The following MAD1L1 variants were observed in gnomAD, a reference collection of about 807,000 sequenced individuals.
The protein encoded by MAD1L1 is mitotic arrest deficient 1 like 1.
A neutral mutation model predicts 96.9 loss-of-function variants in MAD1L1; 95 were observed. The ratio of observed to expected loss-of-function variants is 0.98; its 90% CI spans 0.83 to 1.16. The LOEUF is 1.16. MAD1L1 is among the 50% of genes most tolerant of loss of function. The probability of loss-of-function intolerance (pLI) is 0.00; values close to 1 mark genes in which losing one functional copy is unlikely to be tolerated. For missense variants in MAD1L1, 1,007 were observed against 954.4 expected (o/e 1.06, Z -0.73); for synonymous variants, 473 against 396.6 (o/e 1.19, Z -2.29).
At chr7:2,156,734 T>C (rs1007912682) in intron 10 of MAD1L1, among the ~76,000 whole-genome samples, 2 of 151,066 alleles carry the variant, frequency 1.3e-5, no homozygotes, top group African/African-American at 4.9e-5. Flanking sequence ...GGCAGGAGAA[T>C]TGCTTGAACC....
chr7:1,898,817 G>A (rs1370981824), intron 17 of MAD1L1, among the ~76,000 whole-genome samples: 1 of 152,202 alleles, frequency 6.6e-6, no homozygotes, highest in Non-Finnish European at 1.5e-5. Flanking sequence ...ATTTAGGCGA[G>A]AACCGCGTGA....
intron 11 of MAD1L1, among the ~76,000 whole-genome samples, chr7:2,070,453 G>A (rs1427405832): frequency 6.6e-6 from 1 of 152,212 alleles, no homozygotes; most frequent in African/African-American, 2.4e-5. Context: ...GGCCGCCCGA[G>A]AGGAGGAGAG....
chr7:1,995,442 G>A (rs892298457), intron 14 of MAD1L1, among the ~76,000 whole-genome samples: 3 of 152,218 alleles, frequency 2.0e-5, no homozygotes, highest in Non-Finnish European at 1.5e-5. Context: ...CCACCCTGAG[G>A]ACCAGGCAGT....
intron 1 of MAD1L1, among the ~76,000 whole-genome samples, chr7:2,231,799 C>T (rs549274510): frequency 1.3e-5 from 2 of 152,220 alleles, no homozygotes; most frequent in East Asian, 3.9e-4. Context: ...CATTTCCGAG[C>T]ACCGAGACTT....
At chr7:2,121,556 A>G (rs1008524970) in intron 11 of MAD1L1, among the ~76,000 whole-genome samples, 6 of 152,222 alleles carry the variant, frequency 3.9e-5, no homozygotes, top group Non-Finnish European at 8.8e-5. Context: ...AGACCTCAGA[A>G]TAACAGGCCT....
At chr7:1,954,898 A>C (rs1779659614) in intron 16 of MAD1L1, among the ~76,000 whole-genome samples, 1 of 151,118 alleles carries the variant, frequency 6.6e-6, no homozygotes. Flanking sequence ...CTTCAGCGAC[A>C]CAAGGGTGCA....
At chr7:2,184,494 T>C (rs1376777184) in intron 10 of MAD1L1, among the ~76,000 whole-genome samples, 1 of 152,144 alleles carries the variant, frequency 6.6e-6, no homozygotes, top group East Asian at 1.9e-4. Context: ...GAAGACAGTT[T>C]GGCAATTTCT....
chr7:2,019,408 C>T (rs531858773), intron 12 of MAD1L1, among the ~76,000 whole-genome samples: 54 of 152,324 alleles, frequency 3.5e-4, no homozygotes, highest in Admixed American at 1.0e-3. Context: ...GGAGGACCCA[C>T]GCGGGTCAGA....
At chr7:1,962,874 G>A (rs1006304173) in intron 15 of MAD1L1, among the ~76,000 whole-genome samples, 4 of 152,172 alleles carry the variant, frequency 2.6e-5, no homozygotes, top group African/African-American at 9.7e-5. Context: ...TTGAGCCCAG[G>A]AGTCAGAGGC....
intron 18 of MAD1L1, chr7:1,848,182 C>T (rs2128638278): frequency 4.9e-6 from 1 of 204,380 alleles, no homozygotes; most frequent in South Asian, 8.7e-5. Flanking sequence ...ACGCCTGCTG[C>T]AGCCCCAGGA....
rs755876633 is a variant in MAD1L1, at chr7:1,816,151, C to T, written c.2076G>A (p.Val692=). 6.2e-6 allele frequency: 10 copies of T among 1,613,356 alleles called. No homozygotes were observed. The South Asian group carries it at 7.7e-5, about 12-fold the overall frequency. The stretch of plus-strand genomic sequence containing the variant: ...GGATGCTGTCCTGGCGCCGCAGGTG[C>T]ACCTCGATGAGCTCGCCCACGGTGT... ...FSHTVGELIE[V]HLRRQDSIPA... Residue 692 remains valine, a synonymous_variant, in exon 19 of 19, where the codon GTG becomes GTA. Coordinates refer to ENST00000265854, the MANE Select transcript of MAD1L1 (RefSeq NM_001013836.2).
chr7:2,188,127 C>T (rs1791548599), intron 10 of MAD1L1, among the ~76,000 whole-genome samples: 2 of 152,204 alleles, frequency 1.3e-5, no homozygotes, highest in African/African-American at 4.8e-5. Flanking sequence ...CATAACCATG[C>T]ATGGATAAAG....
chr7:2,147,995 C>T (rs1789392114), intron 11 of MAD1L1, among the ~76,000 whole-genome samples: 1 of 152,216 alleles, frequency 6.6e-6, no homozygotes. Flanking sequence ...TGATGAGGAT[C>T]GCCTGGTAAA....
intron 17 of MAD1L1, among the ~76,000 whole-genome samples, chr7:1,917,935 T>C (rs2128454571): frequency 6.6e-6 from 1 of 152,254 alleles, no homozygotes; most frequent in Admixed American, 6.5e-5. Flanking sequence ...CCTGACTGTG[T>C]TGCATCAGGC....
At chr7:2,090,653 C>T (rs1786161437) in intron 11 of MAD1L1, among the ~76,000 whole-genome samples, 1 of 152,208 alleles carries the variant, frequency 6.6e-6, no homozygotes, top group Admixed American at 6.5e-5. Flanking sequence ...CTTGGCAGTT[C>T]TGAGCAGGAC....
intron 11 of MAD1L1, among the ~76,000 whole-genome samples, chr7:2,106,340 G>A (rs376558783): frequency 1.3e-5 from 2 of 150,470 alleles, no homozygotes; most frequent in African/African-American, 4.9e-5. Flanking sequence ...TCCCAGGCCC[G>A]GCCCCACCCT....
chr7:2,061,494 A>C lies in MAD1L1; in HGVS notation c.1218+7700T>G, dbSNP rs377154161. On this transcript the variant is annotated intron_variant, in intron 12 of 18. Coordinates refer to ENST00000265854, the MANE Select transcript of MAD1L1 (RefSeq NM_001013836.2). ...CTTCACCAAGCCTCAGGAAAGTAAG[A>C]ACAACAGCTTTCGAGTACAGGCCCC... Among the ~76,000 whole-genome samples, 6 of 152,358 alleles carry C rather than the reference A, an allele frequency of 3.9e-5. No homozygotes were observed. The South Asian group carries it at 6.2e-4, about 16-fold the overall frequency.
intron 18 of MAD1L1, among the ~76,000 whole-genome samples, chr7:1,859,610 G>A (rs1219183858): frequency 2.0e-5 from 3 of 152,180 alleles, no homozygotes; most frequent in Non-Finnish European, 4.4e-5. Context: ...CCAGCAAGGA[G>A]TGGATGCCAG....
chr7:1,922,750 G>A (rs1788869877), intron 17 of MAD1L1, among the ~76,000 whole-genome samples: 1 of 152,222 alleles, frequency 6.6e-6, no homozygotes, highest in African/African-American at 2.4e-5. Context: ...GCGGTGAGCT[G>A]CACGGTTTCT....
Sources: allele counts gnomAD v4.1 joint callset (sites outside exome capture counted in the v4.1 genomes callset), GRCh38; gene constraint gnomAD v4.1.1; transcripts MANE v1.5; gene names NCBI Gene and HGNC (gene_info 2026-07-23, HGNC 2026-07-21).